PCNX1: variants seen among roughly 807,000 people sequenced by gnomAD.
The protein encoded by PCNX1 is pecanex 1.
Under a neutral mutation model 242.2 loss-of-function variants are expected in PCNX1, and 78 were observed. The ratio of observed to expected loss-of-function variants is 0.32; its 90% CI spans 0.27 to 0.39. The LOEUF (loss-of-function observed/expected upper bound fraction) is 0.39, where lower values mean the gene tolerates loss of function less well. PCNX1 is among the 10% of genes least tolerant of loss of function. The pLI, the probability that PCNX1 is intolerant of heterozygous loss-of-function variation, is 1.00. For synonymous variants in PCNX1, 1,024 were observed against 1,032.9 expected, an observed-to-expected ratio of 0.99 and a Z score of 0.17; for missense variants, 2,581 against 2,856.5, an observed-to-expected ratio of 0.90 and a Z score of 2.20.
In PCNX1 at chr14:70,977,584, A is replaced by T. The variant is rs1317317467; in HGVS notation, c.1247A>T (p.Glu416Val). ...SSTHIESILS[E>V]HEESPKAGTK... is the part of the protein sequence containing the mutation. ...ACTCACATAGAGAGCATCCTGTCAG[A>T]GCATGAGGAGTCTCCTAAAGCAGGA... Residue 416 changes from glutamate to valine, a missense_variant, in exon 6 of 36, where the codon GAG becomes GTG. By Grantham distance (121) the Glu-to-Val change is moderately radical. This residue lies in a region of PCNX1 where 1,204 missense variants were observed against 1,216.7 expected (regional missense o/e 0.99). Transcript: ENST00000304743. 6.2e-7 allele frequency: 1 copy of T among 1,614,214 alleles called. No homozygotes were observed. The highest frequency in any genetic ancestry group is 1.1e-5 in the South Asian group (1 of 91,080).
At chr14:71,038,497 G>C (rs200557054) in intron 19 of PCNX1, among the ~76,000 whole-genome samples, 1 of 151,904 alleles carries the variant, frequency 6.6e-6, no homozygotes, top group South Asian at 2.1e-4. Context: ...CTGGCCATCA[G>C]AGAAATGCAA....
intron 11 of PCNX1, among the ~76,000 whole-genome samples, chr14:71,018,283 C>G (rs557102198): frequency 6.1e-4 from 92 of 151,848 alleles, no homozygotes; most frequent in Non-Finnish European, 1.0e-3. Flanking sequence ...ATAAAATTTT[C>G]CCAAGAAGTA....
intron 6 of PCNX1, among the ~76,000 whole-genome samples, chr14:70,980,400 A>G (rs1595125811): frequency 6.6e-6 from 1 of 152,102 alleles, no homozygotes; most frequent in South Asian, 2.1e-4. Flanking sequence ...TTAAATGTTA[A>G]TAAGAGATAA....
At chr14:70,944,098 T>A (rs751725078) in intron 1 of PCNX1, among the ~76,000 whole-genome samples, 19 of 152,302 alleles carry the variant, frequency 1.2e-4, no homozygotes, top group East Asian at 7.7e-4. Flanking sequence ...GTTGGACCCA[T>A]CCCATGCAGA....
chr14:71,002,175 C>T (rs560920772), intron 8 of PCNX1, among the ~76,000 whole-genome samples: 1 of 152,248 alleles, frequency 6.6e-6, no homozygotes, highest in South Asian at 2.1e-4. Flanking sequence ...AATGAACTTT[C>T]TTCTTATATA....
chr14:70,910,044 CCT>C (rs2055763128), intron 1 of PCNX1, among the ~76,000 whole-genome samples: 1 of 68,046 alleles, frequency 1.5e-5, no homozygotes, highest in African/African-American at 5.9e-5. Flanking sequence ...TCCTCCTCCT[CCT>C]CCTCCTCCTC....
intron 19 of PCNX1, among the ~76,000 whole-genome samples, chr14:71,040,963 G>A (rs936023650): frequency 7.2e-5 from 11 of 151,944 alleles, no homozygotes; most frequent in African/African-American, 2.7e-4. Context: ...TTAACATAAT[G>A]ACCTCCAGTT....
intron 12 of PCNX1, among the ~76,000 whole-genome samples, chr14:71,022,883 T>C (rs1016808438): frequency 6.6e-6 from 1 of 152,108 alleles, no homozygotes; most frequent in Non-Finnish European, 1.5e-5. Flanking sequence ...TAACTCCACT[T>C]GTATATAGCA....
intron 28 of PCNX1, among the ~76,000 whole-genome samples, chr14:71,076,859 A>G (rs997828852): frequency 1.3e-5 from 2 of 152,260 alleles, no homozygotes; most frequent in Non-Finnish European, 2.9e-5. Flanking sequence ...TCACTGCCAC[A>G]TGTGGCTGTG....
At chr14:71,106,760 G>A (rs2062633604) in intron 33 of PCNX1, among the ~76,000 whole-genome samples, 1 of 152,018 alleles carries the variant, frequency 6.6e-6, no homozygotes, top group Non-Finnish European at 1.5e-5. Flanking sequence ...TTTCTAAAGT[G>A]CCTAGTTACA....
Position 70,949,297 on chromosome 14 carries a change from A to ATACACACACACGTGTATG in PCNX1, c.362+2174_362+2175insTACACACACACGTGTATG, listed in dbSNP as rs1566608761. 5.2e-5 allele frequency among the ~76,000 whole-genome samples: 6 copies of ATACACACACACGTGTATG among 114,314 alleles called. No individual in the cohort carries two copies. The East Asian group carries it at 1.2e-3, about 22-fold the overall frequency. 75.0% of individuals were successfully genotyped at this position (114,314 alleles called of 152,430 possible). A position where few individuals can be genotyped will look rare whatever the true frequency, so the allele number is the denominator to read the frequency against. ...CACACGTGTATACACACACGTGTGT[A>ATACACACACACGTGTATG]CACACATATGTGTGTAGATACACAC... On this transcript the variant is annotated intron_variant, in intron 2 of 35. Coordinates refer to ENST00000304743, the MANE Select transcript of PCNX1 (RefSeq NM_014982.3).
chr14:70,972,115 C>T (rs975231816), intron 5 of PCNX1, among the ~76,000 whole-genome samples: 15 of 151,994 alleles, frequency 9.9e-5, no homozygotes, highest in African/African-American at 3.6e-4. Context: ...GTAGAAGATA[C>T]TAAGAAGATA....
Position 70,908,014 on chromosome 14 carries a change from G to A in PCNX1, c.153+11G>A, listed in dbSNP as rs1471535955. The A allele has an allele frequency of 6.4e-7, 1 of 1,567,290 alleles. No individual in the cohort carries two copies. The highest frequency in any genetic ancestry group is 8.6e-7 in the Non-Finnish European group (1 of 1,160,208). On this transcript the variant is annotated intron_variant, in intron 1 of 35. Transcript: ENST00000304743. ...TTCACCCTCTACATGGTGAGTGTGG[G>A]GGCGGGGAGCGGGTGGCTCCTTCCC...
At chr14:70,938,479 C>G (rs575637324) in intron 1 of PCNX1, among the ~76,000 whole-genome samples, 127 of 152,318 alleles carry the variant, frequency 8.3e-4, no homozygotes, top group Middle Eastern at 3.4e-3. Flanking sequence ...AGGGATAAAG[C>G]CCACTTGATC....
At chr14:71,066,677 G>T (rs1465875208) in intron 26 of PCNX1, among the ~76,000 whole-genome samples, 4 of 152,124 alleles carry the variant, frequency 2.6e-5, no homozygotes, top group Non-Finnish European at 5.9e-5. Flanking sequence ...GGGCATCCTT[G>T]TCTTGTGCTG....
intron 26 of PCNX1, among the ~76,000 whole-genome samples, chr14:71,065,321 T>A (rs112548516): frequency 2.0e-5 from 3 of 152,258 alleles, no homozygotes; most frequent in African/African-American, 7.2e-5. Context: ...GTAACTGGCT[T>A]GAGATGGTAT....
chr14:70,936,672 G>A (rs540704991), intron 1 of PCNX1, among the ~76,000 whole-genome samples: 4 of 152,252 alleles, frequency 2.6e-5, no homozygotes, highest in South Asian at 4.2e-4. Context: ...GGGTCAAATG[G>A]TATCTCTAGT....
chr14:70,911,722 G>A (rs1346704595), intron 1 of PCNX1, among the ~76,000 whole-genome samples: 3 of 151,992 alleles, frequency 2.0e-5, no homozygotes, highest in Non-Finnish European at 4.4e-5. Context: ...TTTCATGGGT[G>A]TTTTTCAAGA....
At chr14:71,033,369 G>T in intron 16 of PCNX1, 60 bp from the exon 17 acceptor site, 1 of 832,836 alleles carries the variant, frequency 1.2e-6, no homozygotes, top group Non-Finnish European at 2.0e-6. Flanking sequence ...TACATAAAAG[G>T]ATTATGTGAT....
Sources: gnomAD v4.1 joint callset for allele counts (sites outside exome capture counted in the v4.1 genomes callset) on GRCh38, gnomAD v4.1.1 for gene constraint, gnomAD v4.1.1 regional missense constraint, MANE v1.5 for transcripts, NCBI Gene and HGNC (gene_info 2026-07-23, HGNC 2026-07-21) for gene names.